Variants in THSD7A observed in about 807,000 individuals in gnomAD.
THSD7A encodes the protein thrombospondin type-1 domain-containing protein 7A.
Under a neutral mutation model 231.3 loss-of-function variants are expected in THSD7A, and 96 were observed. The observed-to-expected ratio is 0.41, with a 90% CI of 0.35 to 0.49. THSD7A has a LOEUF of 0.49. THSD7A is among the 20% of genes least tolerant of loss of function. The probability of loss-of-function intolerance (pLI) is 0.05; values close to 1 mark genes in which losing one functional copy is unlikely to be tolerated. For missense variants in THSD7A, 2,290 were observed against 2,070.2 expected (o/e 1.11, Z -2.06); for synonymous variants, 940 against 743.3 (o/e 1.26, Z -4.30).
At chr7:11,789,626 T>C (rs781560248) in intron 1 of THSD7A, among the ~76,000 whole-genome samples, 13 of 151,952 alleles carry the variant, frequency 8.6e-5, no homozygotes, top group African/African-American at 1.2e-4. Context: ...CATTTTTAAG[T>C]ACACAGTACT....
chr7:11,824,780 G>A (rs186747061), intron 1 of THSD7A, among the ~76,000 whole-genome samples: 1 of 152,184 alleles, frequency 6.6e-6, no homozygotes, highest in African/African-American at 2.4e-5. Flanking sequence ...CACTTACCAA[G>A]TAAAAACAAA....
chr7:11,585,876 T>C (rs1354562989), intron 4 of THSD7A, among the ~76,000 whole-genome samples: 1 of 151,992 alleles, frequency 6.6e-6, no homozygotes, highest in Non-Finnish European at 1.5e-5. Context: ...AGAAAACCCA[T>C]GCAGACATGG....
intron 2 of THSD7A, among the ~76,000 whole-genome samples, chr7:11,623,420 C>T (rs1056092672): frequency 6.6e-6 from 1 of 152,080 alleles, no homozygotes; most frequent in Non-Finnish European, 1.5e-5. Flanking sequence ...CCCACCCCCA[C>T]TAATCCATAT....
intron 1 of THSD7A, among the ~76,000 whole-genome samples, chr7:11,643,502 G>T (rs114515269): frequency 0.024 from 3,616 of 151,812 alleles, 135 homozygotes; most frequent in African/African-American, 0.082. Context: ...TATTTAAAAC[G>T]AAATTTTGGA....
chr7:11,379,767 T>C, intron 24 of THSD7A, 55 bp from the exon 25 acceptor site: 1 of 1,506,590 alleles, frequency 6.6e-7, no homozygotes, highest in Non-Finnish European at 9.0e-7. Context: ...ATGATGAAAA[T>C]ACACTGTGGT....
chr7:11,448,871 T>G (rs1785056872), intron 11 of THSD7A, among the ~76,000 whole-genome samples: 1 of 152,072 alleles, frequency 6.6e-6, no homozygotes, highest in Admixed American at 6.6e-5. Context: ...GAAGGGCCAG[T>G]TTGTAAGAAA....
Position 11,417,539 on chromosome 7 carries a change from C to G in THSD7A, c.3448G>C (p.Glu1150Gln). 6.2e-7 allele frequency: 1 copy of G among 1,613,848 alleles called. No individual in the cohort carries two copies. Among genetic ancestry groups the G allele is most frequent in the Admixed American group, 1.7e-5 (1 of 60,004 alleles). The change falls in exon 17 of 28, where the codon GAG becomes CAG. Residue 1150 changes from glutamate (E) to glutamine (Q), a missense_variant. Glu to Gln is a conservative substitution (Grantham distance 29, BLOSUM62 2). Transcript: ENST00000423059. ...HVEDYLCDPE[E>Q]MPLGSRVCKL... ...CACACTCTAGAGCCCAGGGGCATCTCTTCTGGGTCACAGAGGTAATCCTCT... is the reference window on the plus strand; with the variant it reads ...CACACTCTAGAGCCCAGGGGCATCTGTTCTGGGTCACAGAGGTAATCCTCT...
chr7:11,656,112 T>C (rs1370043674), intron 1 of THSD7A, among the ~76,000 whole-genome samples: 1 of 151,862 alleles, frequency 6.6e-6, no homozygotes, highest in African/African-American at 2.4e-5. Context: ...ATATTCCATT[T>C]TACAGTTCAA....
chr7:11,625,654 T>C (rs1177301645), intron 2 of THSD7A, among the ~76,000 whole-genome samples: 2 of 152,084 alleles, frequency 1.3e-5, no homozygotes, highest in Non-Finnish European at 1.5e-5. Flanking sequence ...GAATTACTAA[T>C]ATAATGTGTT....
intron 13 of THSD7A, among the ~76,000 whole-genome samples, chr7:11,434,561 G>T (rs2128291425): frequency 6.6e-6 from 1 of 152,178 alleles, no homozygotes; most frequent in East Asian, 1.9e-4. Context: ...AAAGCACATA[G>T]AAAATACTGG....
intron 6 of THSD7A, among the ~76,000 whole-genome samples, chr7:11,526,413 T>C (rs1788475399): frequency 6.6e-6 from 1 of 152,186 alleles, no homozygotes; most frequent in Non-Finnish European, 1.5e-5. Flanking sequence ...CTCTATCCAC[T>C]GTGCCCCTTG....
chr7:11,820,957 G>A (rs745692974), intron 1 of THSD7A: 11 of 1,033,438 alleles, frequency 1.1e-5, no homozygotes, highest in South Asian at 1.5e-5. Context: ...TTTTTATGAC[G>A]TTCAATATCA....
At chr7:11,477,035 C>T (rs1786219819) in intron 7 of THSD7A, among the ~76,000 whole-genome samples, 1 of 152,020 alleles carries the variant, frequency 6.6e-6, no homozygotes, top group Non-Finnish European at 1.5e-5. Context: ...TATACATAAG[C>T]AATTAAATAT....
chr7:11,761,332 T>C (rs1462616726), intron 1 of THSD7A, among the ~76,000 whole-genome samples: 1 of 152,104 alleles, frequency 6.6e-6, no homozygotes, highest in Non-Finnish European at 1.5e-5. Context: ...ATACATATCA[T>C]GTCATCCACC....
intron 2 of THSD7A, among the ~76,000 whole-genome samples, chr7:11,609,912 T>C (rs1366867621): frequency 6.6e-6 from 1 of 152,140 alleles, no homozygotes; most frequent in Non-Finnish European, 1.5e-5. Context: ...CTTTGTTAAA[T>C]GATCTTGAGA....
chr7:11,449,116 T>G (rs1664388237), intron 11 of THSD7A, among the ~76,000 whole-genome samples: 1 of 152,094 alleles, frequency 6.6e-6, no homozygotes, highest in South Asian at 2.1e-4. Context: ...GGAAAATACC[T>G]ATGCCCTTAC....
chr7:11,541,746 T>C (rs1789158723), intron 5 of THSD7A, 115 bp from the exon 6 acceptor site: 2 of 957,944 alleles, frequency 2.1e-6, no homozygotes, highest in South Asian at 1.5e-5. Flanking sequence ...AAGTCATTTC[T>C]GTTTTGAGTC....
chr7:11,550,114 G>T (rs1313010027), intron 4 of THSD7A, among the ~76,000 whole-genome samples: 1 of 152,004 alleles, frequency 6.6e-6, no homozygotes, highest in African/African-American at 2.4e-5. Context: ...AAGGCTCCCA[G>T]ACCTGATAAG....
At chr7:11,534,305 G>A (rs974173601) in intron 6 of THSD7A, among the ~76,000 whole-genome samples, 9 of 152,178 alleles carry the variant, frequency 5.9e-5, no homozygotes, top group African/African-American at 1.9e-4. Context: ...ATTGTCACTT[G>A]TGACTTGCTT....
Sources: allele counts gnomAD v4.1 joint callset (sites outside exome capture counted in the v4.1 genomes callset), GRCh38; gene constraint gnomAD v4.1.1; transcripts MANE v1.5; gene names NCBI Gene and HGNC (gene_info 2026-07-23, HGNC 2026-07-21).